Variants in NLGN4X observed in about 807,000 individuals in gnomAD.
NLGN4X encodes neuroligin-4, X-linked.
A neutral mutation model predicts 40.3 loss-of-function variants in NLGN4X; 3 were observed. The ratio of observed to expected loss-of-function variants is 0.07; its 90% CI spans 0.03 to 0.19. The LOEUF (loss-of-function observed/expected upper bound fraction) is 0.19, where lower values mean the gene tolerates loss of function less well. Ranked by LOEUF, NLGN4X falls within the 10% of genes least tolerant of loss-of-function variation. The pLI is 1.00. For synonymous variants in NLGN4X, 270 were observed against 306.8 expected (o/e 0.88, Z 1.25); for missense variants, 382 against 708.3 (o/e 0.54, Z 5.23).
chrX:6,027,538 T>G (rs573491503), intron 3 of NLGN4X, among the ~76,000 whole-genome samples: 1 of 111,149 alleles, frequency 9.0e-6, no homozygotes, highest in Admixed American at 9.6e-5. Flanking sequence ...TGTGACTGAT[T>G]TGCATTTCAA....
chrX:6,136,555 G>A (rs2039823145), intron 2 of NLGN4X, among the ~76,000 whole-genome samples: 1 of 112,246 alleles, frequency 8.9e-6, no homozygotes, highest in Non-Finnish European at 1.9e-5. Context: ...GCAGCTCTGA[G>A]CTTCTTGCCA....
chrX:5,954,794 CTT>C (rs1335820030), intron 3 of NLGN4X, among the ~76,000 whole-genome samples: 4 of 111,150 alleles, frequency 3.6e-5, no homozygotes, highest in African/African-American at 9.8e-5. Context: ...ACTCCCCACT[CTT>C]TTGAAATATC....
At chrX:6,225,689 CTTTTTTTTTTTT>C (rs749574818) in intron 1 of NLGN4X, among the ~76,000 whole-genome samples, 34 of 26,897 alleles carry the variant, frequency 1.3e-3, no homozygotes, top group East Asian at 2.3e-3. Context: ...TTCTTTTTTT[CTTTTTTTTTTTT>C]TTTTTTTTTT....
intron 3 of NLGN4X, among the ~76,000 whole-genome samples, chrX:5,922,941 ATATC>A (rs765551331): frequency 1.8e-5 from 2 of 111,957 alleles, no homozygotes; most frequent in African/African-American, 3.2e-5. Context: ...ATGTATATCT[ATATC>A]TATTTATTTG....
At chrX:6,183,638 C>A (rs963645784) in intron 1 of NLGN4X, among the ~76,000 whole-genome samples, 2 of 112,157 alleles carry the variant, frequency 1.8e-5, no homozygotes, top group African/African-American at 6.5e-5. Flanking sequence ...AACAAGATGG[C>A]ACTGCTGTTG....
At chrX:6,108,780 T>C (rs2039085828) in intron 2 of NLGN4X, among the ~76,000 whole-genome samples, 1 of 110,608 alleles carries the variant, frequency 9.0e-6, no homozygotes, top group Non-Finnish European at 1.9e-5. Flanking sequence ...GGTCTGCTCT[T>C]TAGTTAGTCA....
chrX:5,993,544 C>T (rs2035741184), intron 3 of NLGN4X, among the ~76,000 whole-genome samples: 2 of 111,831 alleles, frequency 1.8e-5, no homozygotes, highest in Admixed American at 1.9e-4. Flanking sequence ...CAGGGCACAA[C>T]TGCCCATGAC....
In NLGN4X at chrX:5,968,605, A is replaced by G. The variant is rs775897303; in HGVS notation, c.626-59366T>C. ...GTGTGAGGAATCATGGTGGTCCCTA[A>G]ACAGTTTATAAAATCTTAGTACCAA... On this transcript the variant is annotated intron_variant, in intron 3 of 5. Transcript: ENST00000381095. Among the ~76,000 whole-genome samples the G allele has an allele frequency of 1.9e-3, 195 of 104,091 alleles. 2 individuals carry two copies. The highest frequency in any genetic ancestry group is 6.4e-3 in the African/African-American group (181 of 28,220). The allele number at this position is 104,091 out of a possible 115,157, so 90.4% of individuals were successfully genotyped here.
At position 6,228,053 on chromosome X, in the gene NLGN4X, G is replaced by A. The variant is rs748789218; in HGVS notation, c.-306+488C>T. On this transcript the variant is annotated intron_variant, in intron 1 of 5. Transcript: ENST00000381095. ...TCCTGCCTTCACCATCTCCAGCCCT[G>A]GCCGCTTCTCTCCTTCTTCTCCCTG... is the stretch of plus-strand genomic sequence containing the variant. Among the ~76,000 whole-genome samples the A allele has an allele frequency of 6.0e-4, 66 of 109,825 alleles. 1 individual carries two copies. Among genetic ancestry groups the A allele is most frequent in the Non-Finnish European group, 8.4e-4 (44 of 52,534 alleles).
At chrX:6,100,173 T>C (rs2038874763) in intron 2 of NLGN4X, among the ~76,000 whole-genome samples, 1 of 112,753 alleles carries the variant, frequency 8.9e-6, no homozygotes, top group Non-Finnish European at 1.9e-5. Flanking sequence ...CATGCTATTG[T>C]TTGTGGTTTA....
At chrX:6,186,761 G>A (rs1922048120) in intron 1 of NLGN4X, 1 of 111,779 alleles carries the variant, frequency 8.9e-6, no homozygotes, top group Non-Finnish European at 1.9e-5. Flanking sequence ...CAAGACATAA[G>A]CCTTACTCAC....
intron 2 of NLGN4X, among the ~76,000 whole-genome samples, chrX:6,063,864 C>G (rs975321059): frequency 2.7e-5 from 3 of 111,943 alleles, no homozygotes; most frequent in African/African-American, 9.7e-5. Context: ...TACAAAAATA[C>G]TAGGAAGTCC....
At chrX:6,003,464 A>G (rs966493701) in intron 3 of NLGN4X, among the ~76,000 whole-genome samples, 2 of 111,003 alleles carry the variant, frequency 1.8e-5, no homozygotes, top group Non-Finnish European at 3.8e-5. Context: ...ATAAAACAGA[A>G]TACTTGAAGT....
At chrX:6,166,382 C>T (rs1398684034) in intron 1 of NLGN4X, among the ~76,000 whole-genome samples, 3 of 112,040 alleles carry the variant, frequency 2.7e-5, no homozygotes, top group Non-Finnish European at 5.6e-5. Flanking sequence ...CAGGCATGAG[C>T]CACTGCACCA....
intron 2 of NLGN4X, among the ~76,000 whole-genome samples, chrX:6,092,997 A>G (rs1328819701): frequency 2.7e-5 from 3 of 111,430 alleles, no homozygotes; most frequent in African/African-American, 9.8e-5. Context: ...AGATCTTCAA[A>G]TAATGATTAA....
chrX:6,093,545 A>C (rs1276433327), intron 2 of NLGN4X, among the ~76,000 whole-genome samples: 1 of 112,030 alleles, frequency 8.9e-6, no homozygotes. Context: ...CGAAAGATTA[A>C]AATACGTTGA....
chrX:6,215,531 G>A (rs1408154035), intron 1 of NLGN4X, among the ~76,000 whole-genome samples: 1 of 91,381 alleles, frequency 1.1e-5, no homozygotes, highest in Non-Finnish European at 2.0e-5. Context: ...CGTGGGTAAC[G>A]AAAGCGAAAC....
intron 4 of NLGN4X, among the ~76,000 whole-genome samples, chrX:5,907,709 G>A (rs2032267576): frequency 9.1e-6 from 1 of 110,125 alleles, no homozygotes; most frequent in Non-Finnish European, 1.9e-5. Context: ...AGAGGACCTC[G>A]TGCTGACTGG....
At chrX:6,033,083 ATT>A in intron 2 of NLGN4X, among the ~76,000 whole-genome samples, 1 of 111,690 alleles carries the variant, frequency 9.0e-6, no homozygotes, top group African/African-American at 3.2e-5. Flanking sequence ...AAAAGAAAAA[ATT>A]AAATTATTAG....
Sources: gnomAD v4.1 joint callset for allele counts (sites outside exome capture counted in the v4.1 genomes callset) on GRCh38, gnomAD v4.1.1 for gene constraint, MANE v1.5 for transcripts, NCBI Gene and HGNC (gene_info 2026-07-23, HGNC 2026-07-21) for gene names.